Variants in PRKN observed in about 807,000 individuals in gnomAD.
PRKN encodes E3 ubiquitin-protein ligase parkin.
Under a neutral mutation model 59.5 loss-of-function variants are expected in PRKN, and 56 were observed. The ratio of observed to expected loss-of-function variants is 0.94; its 90% CI spans 0.76 to 1.18. The LOEUF is 1.18. Ranked by LOEUF, PRKN falls within the 50% of genes most tolerant of loss-of-function variation. PRKN has a pLI of 0.00. For missense variants in PRKN, 657 were observed against 596.4 expected (o/e 1.10, Z -1.06); for synonymous variants, 250 against 222.1 (o/e 1.13, Z -1.12).
At chr6:162,265,587 A>G (rs1780093992) in intron 2 of PRKN, among the ~76,000 whole-genome samples, 1 of 152,188 alleles carries the variant, frequency 6.6e-6, no homozygotes, top group Non-Finnish European at 1.5e-5. Flanking sequence ...GCTACTCAAG[A>G]GGCTGAGGCA....
intron 5 of PRKN, among the ~76,000 whole-genome samples, chr6:162,002,763 A>G (rs1472464955): frequency 6.6e-6 from 1 of 152,090 alleles, no homozygotes; most frequent in African/African-American, 2.4e-5. Flanking sequence ...TAATATATTC[A>G]TTCAATGCTG....
chr6:161,616,746 C>A (rs998823795), intron 7 of PRKN, among the ~76,000 whole-genome samples: 4 of 152,056 alleles, frequency 2.6e-5, no homozygotes, highest in Non-Finnish European at 4.4e-5. Flanking sequence ...TGAACTCACC[C>A]CCTTAAGGCT....
At chr6:162,462,766 T>C (rs898549027) in intron 1 of PRKN, among the ~76,000 whole-genome samples, 5 of 152,040 alleles carry the variant, frequency 3.3e-5, no homozygotes, top group African/African-American at 4.8e-5. Context: ...AAATTAGGAG[T>C]TGAATGAAAA....
intron 6 of PRKN, among the ~76,000 whole-genome samples, chr6:161,787,571 T>C (rs943604141): frequency 1.3e-5 from 2 of 152,234 alleles, no homozygotes; most frequent in African/African-American, 2.4e-5. Flanking sequence ...AAAACCTTTA[T>C]AGACCTCCCA....
intron 5 of PRKN, among the ~76,000 whole-genome samples, chr6:161,989,826 C>T (rs1199388828): frequency 1.3e-5 from 2 of 152,066 alleles, no homozygotes; most frequent in Admixed American, 1.3e-4. Flanking sequence ...GGGGAACGAC[C>T]CTCCCTGTCT....
intron 1 of PRKN, among the ~76,000 whole-genome samples, chr6:162,589,679 C>T (rs1412375633): frequency 6.6e-6 from 1 of 152,130 alleles, no homozygotes; most frequent in African/African-American, 2.4e-5. Flanking sequence ...ATAACAGCAA[C>T]ATTTATATTA....
At chr6:161,574,237 C>G (rs1227653566) in intron 7 of PRKN, among the ~76,000 whole-genome samples, 1 of 152,036 alleles carries the variant, frequency 6.6e-6, no homozygotes, top group Non-Finnish European at 1.5e-5. Flanking sequence ...AATAACAAAA[C>G]TGGAACTGCA....
intron 4 of PRKN, among the ~76,000 whole-genome samples, chr6:162,168,656 G>C (rs9365379): frequency 1.3e-5 from 2 of 148,552 alleles, no homozygotes; most frequent in African/African-American, 2.5e-5. Flanking sequence ...TGAGATTTCA[G>C]AGATCCAGGA....
chr6:161,462,645 C>A lies in PRKN; in HGVS notation c.1084-75768G>T, dbSNP rs775064003. 6.6e-6 allele frequency among the ~76,000 whole-genome samples: 1 copy of A among 152,026 alleles called. No homozygotes were observed. The highest frequency in any genetic ancestry group is 1.5e-5 in the Non-Finnish European group (1 of 67,998). The stretch of plus-strand genomic sequence containing the variant: ...CCCAGGGTGATCATATTAAAAAAAT[C>A]AAAATTTAATATGTCATTAACAGAG... On this transcript the variant is annotated intron_variant, in intron 9 of 11. Transcript: ENST00000366898. This position sits in a 1 kb window ranked among gnomAD's most constrained non-coding sequence, Gnocchi z 4.5.
At chr6:162,583,293 T>A (rs13220048) in intron 1 of PRKN, among the ~76,000 whole-genome samples, 15,581 of 152,270 alleles carry the variant, frequency 0.1, 943 homozygotes, top group Middle Eastern at 0.19. Context: ...ATAAATGCAC[T>A]AAGACAATGA....
chr6:161,844,983 A>G (rs1210809398), intron 6 of PRKN, among the ~76,000 whole-genome samples: 1 of 152,264 alleles, frequency 6.6e-6, no homozygotes, highest in Non-Finnish European at 1.5e-5. Context: ...AGTCCTTTAC[A>G]CAGGTACAAA....
Position 161,900,305 on chromosome 6 carries a change from C to T in PRKN, c.734+72997G>A, listed in dbSNP as rs575465067. ...TGAAATGGAAGTGAGAGGGAGTCCA[C>T]TGAGAAGCAGCAGCAGCAGCATCAG... is the stretch of plus-strand genomic sequence containing the variant. On this transcript the variant is annotated intron_variant, in intron 6 of 11. Transcript: ENST00000366898. Among the ~76,000 whole-genome samples, 12 of 150,702 alleles carry T rather than the reference C, an allele frequency of 8.0e-5. No individual in the cohort carries two copies. The East Asian group carries it at 1.6e-3, about 20-fold the overall frequency.
At chr6:162,274,715 T>C (rs772216850) in intron 2 of PRKN, among the ~76,000 whole-genome samples, 1 of 152,226 alleles carries the variant, frequency 6.6e-6, no homozygotes, top group Non-Finnish European at 1.5e-5. Flanking sequence ...GAATTTCTCA[T>C]AATCTAAATT....
intron 8 of PRKN, among the ~76,000 whole-genome samples, chr6:161,556,316 C>T (rs1456960410): frequency 6.6e-6 from 1 of 152,060 alleles, no homozygotes; most frequent in African/African-American, 2.4e-5. Context: ...ACACACAATA[C>T]CTGAAATATG....
chr6:161,485,826 GA>G (rs1046499219), intron 9 of PRKN, among the ~76,000 whole-genome samples: 26 of 151,626 alleles, frequency 1.7e-4, no homozygotes, highest in Admixed American at 5.3e-4. Flanking sequence ...GCTTTATATT[GA>G]AATTTCATGG....
intron 7 of PRKN, among the ~76,000 whole-genome samples, chr6:161,782,871 G>T (rs763204630): frequency 2.2e-4 from 34 of 151,882 alleles, no homozygotes; most frequent in Non-Finnish European, 4.3e-4. Flanking sequence ...TCCAGCCTCG[G>T]CGACAGAGCA....
intron 4 of PRKN, among the ~76,000 whole-genome samples, chr6:162,149,232 C>T (rs1185794892): frequency 1.3e-5 from 2 of 151,850 alleles, no homozygotes; most frequent in African/African-American, 2.4e-5. Context: ...AAATATAAGA[C>T]TTTACTTTCT....
At chr6:161,437,391 A>G (rs553019896) in intron 9 of PRKN, among the ~76,000 whole-genome samples, 1 of 152,346 alleles carries the variant, frequency 6.6e-6, no homozygotes, top group South Asian at 2.1e-4. Flanking sequence ...ACAACTCAGA[A>G]CAGTGAGCAA....
rs1562354466 is a variant in PRKN at position 161,874,249 on chromosome 6, TATATATTATATGTAA to T, written c.735-88356_735-88342del. Among the ~76,000 whole-genome samples, 10 of 14,636 alleles carry T rather than the reference TATATATTATATGTAA, an allele frequency of 6.8e-4. 1 individual carries two copies. Among genetic ancestry groups the T allele is most frequent in the East Asian group, 1.7e-3 (1 of 572 alleles). 9.6% of individuals were successfully genotyped at this position (14,636 alleles called of 152,430 possible). ...ATTATATATAATATATAATATATAA[TATATATTATATGTAA>T]AATATATAATATATATTATATATTA... On this transcript the variant is annotated intron_variant, in intron 6 of 11. Coordinates refer to ENST00000366898, the MANE Select transcript of PRKN (RefSeq NM_004562.3).
Sources: allele counts gnomAD v4.1 joint callset (sites outside exome capture counted in the v4.1 genomes callset), GRCh38; gene constraint gnomAD v4.1.1; non-coding constraint Gnocchi (gnomAD v3.1); transcripts MANE v1.5; gene names NCBI Gene and HGNC (gene_info 2026-07-23, HGNC 2026-07-21).